MERTK: variants seen among roughly 807,000 people sequenced by gnomAD.
MERTK encodes the protein MER proto-oncogene, tyrosine kinase.
A neutral mutation model predicts 99.3 loss-of-function variants in MERTK; 69 were observed. That is an observed-to-expected ratio of 0.70 (90% CI 0.57 to 0.85). The LOEUF is 0.85. MERTK is among the 40% of genes least tolerant of loss of function. MERTK has a pLI of 0.00. For missense variants in MERTK, 1,125 were observed against 1,249.4 expected (o/e 0.90, Z 1.50); for synonymous variants, 426 against 467.6 (o/e 0.91, Z 1.15).
intron 7 of MERTK, 120 bp from the exon 8 acceptor site, chr2:111,982,722 T>C: frequency 9.6e-7 from 1 of 1,046,808 alleles, no homozygotes; most frequent in East Asian, 2.4e-5. Context: ...CTATAAGTCT[T>C]GGTCTCATTT....
intron 12 of MERTK, 180 bp downstream of exon 12, chr2:112,003,367 C>T: frequency 2.0e-6 from 1 of 496,870 alleles, no homozygotes; most frequent in Non-Finnish European, 3.6e-6. Context: ...AGATCTGGCA[C>T]ATGAAAAGAT....
At chr2:112,007,018 A>G (rs201064617) in intron 13 of MERTK, among the ~76,000 whole-genome samples, 3 of 151,606 alleles carry the variant, frequency 2.0e-5, no homozygotes, top group Middle Eastern at 3.2e-3. Context: ...CAGACTTTTT[A>G]TTTGTTTTTA....
At chr2:111,938,938 C>T (rs926529043) in intron 2 of MERTK, among the ~76,000 whole-genome samples, 57 of 152,116 alleles carry the variant, frequency 3.7e-4, no homozygotes, top group Non-Finnish European at 1.6e-4. Flanking sequence ...GAATGCTACT[C>T]ATAGCTGTGG....
At chr2:111,994,106 C>T in intron 8 of MERTK, 145 bp from the exon 9 acceptor site, 1 of 977,022 alleles carries the variant, frequency 1.0e-6, no homozygotes, top group South Asian at 1.3e-5. Flanking sequence ...TTGGCCATGG[C>T]CTGAGTGACA....
chr2:111,965,388 G>A, intron 5 of MERTK, 111 bp downstream of exon 5: 1 of 1,013,092 alleles, frequency 9.9e-7, no homozygotes, highest in South Asian at 1.3e-5. Flanking sequence ...ACTGTCTCAA[G>A]GTTCTTTGTG....
At chr2:111,948,725 T>C (rs1226974672) in intron 4 of MERTK, among the ~76,000 whole-genome samples, 1 of 152,190 alleles carries the variant, frequency 6.6e-6, no homozygotes, top group African/African-American at 2.4e-5. Flanking sequence ...CCCTGGTCCG[T>C]GTCACTGCCA....
At chr2:112,022,773 A>C (rs1398704496) in intron 18 of MERTK, among the ~76,000 whole-genome samples, 1 of 152,190 alleles carries the variant, frequency 6.6e-6, no homozygotes, top group African/African-American at 2.4e-5. Context: ...CTTTTGGTCC[A>C]GTTATCTTTC....
chr2:111,967,652 T>C (rs1307520652), intron 5 of MERTK, among the ~76,000 whole-genome samples: 1 of 151,970 alleles, frequency 6.6e-6, no homozygotes, highest in Non-Finnish European at 1.5e-5. Flanking sequence ...ACATGCACAC[T>C]CATGCGTGCA....
chr2:112,019,371 T>G (rs746885147), intron 15 of MERTK, 42 bp from the exon 16 acceptor site: 1 of 1,510,908 alleles, frequency 6.6e-7, no homozygotes, highest in Non-Finnish European at 9.2e-7. Flanking sequence ...AAGTTTTCCT[T>G]TTTAAAAGAT....
At chr2:111,944,473 ATTATTTAT>A in intron 2 of MERTK, among the ~76,000 whole-genome samples, 2 of 152,298 alleles carry the variant, frequency 1.3e-5, no homozygotes, top group Admixed American at 6.5e-5. Flanking sequence ...TAACTCCTAA[ATTATTTAT>A]TAATTCCTAA....
intron 1 of MERTK, chr2:111,912,941 G>A (rs77571598): frequency 0.03 from 21,720 of 732,836 alleles, 334 homozygotes; most frequent in Non-Finnish European, 0.033. Context: ...TGGGCAAGTC[G>A]TTTAGCATCT....
chr2:112,017,586 C>T (rs542185239), intron 15 of MERTK, among the ~76,000 whole-genome samples: 42 of 151,768 alleles, frequency 2.8e-4, no homozygotes, highest in East Asian at 1.7e-3. Flanking sequence ...GCTCAGATCG[C>T]GCCACTGCAC....
chr2:112,014,253 C>G (rs4441478), intron 15 of MERTK, among the ~76,000 whole-genome samples: 39,043 of 151,984 alleles, frequency 0.26, 5,549 homozygotes, highest in Middle Eastern at 0.48. Context: ...GATCTCCTGA[C>G]CTTGTGATCT....
chr2:111,920,908 G>A (rs538498623), intron 1 of MERTK, among the ~76,000 whole-genome samples: 178 of 152,110 alleles, frequency 1.2e-3, no homozygotes, highest in Non-Finnish European at 1.9e-3. Flanking sequence ...TGCCCGCCTC[G>A]GCCTCCCAAA....
rs573626683 is a variant in MERTK, at chr2:111,929,012, G to A, written c.62-108G>A. 1.5e-5 allele frequency: 16 copies of A among 1,083,348 alleles called. No individual in the cohort carries two copies. In the East Asian group the frequency reaches 3.4e-4, roughly 23 times the overall value. The allele number at this position is 1,083,348 out of a possible 1,614,324, so 67.1% of individuals were successfully genotyped here. On this transcript the variant is annotated intron_variant, in intron 1 of 18. Transcript: ENST00000295408. ...TGAATTCTGCTTATCTTTTCCTGGGGCACAGAGGACACCCCAGTGCTCTCT... is the reference window on the plus strand; with the variant it reads ...TGAATTCTGCTTATCTTTTCCTGGGACACAGAGGACACCCCAGTGCTCTCT...
intron 7 of MERTK, among the ~76,000 whole-genome samples, chr2:111,981,579 A>G (rs1036305530): frequency 5.3e-5 from 8 of 152,188 alleles, no homozygotes; most frequent in African/African-American, 1.9e-4. Context: ...CAATGAATAT[A>G]ACATCACCTA....
At chr2:111,900,114 C>T (rs991018129) in intron 1 of MERTK, among the ~76,000 whole-genome samples, 1 of 151,634 alleles carries the variant, frequency 6.6e-6, no homozygotes, top group Non-Finnish European at 1.5e-5. Context: ...GACTAGCCTT[C>T]ACCTATTACA....
chr2:111,917,822 T>C (rs1255780196), intron 1 of MERTK, among the ~76,000 whole-genome samples: 1 of 151,336 alleles, frequency 6.6e-6, no homozygotes, highest in African/African-American at 2.4e-5. Flanking sequence ...GAGGTGGAGG[T>C]TGCAGTGAGT....
At chr2:111,999,053 A>T (rs1271078160) in intron 10 of MERTK, among the ~76,000 whole-genome samples, 1 of 152,190 alleles carries the variant, frequency 6.6e-6, no homozygotes, top group Non-Finnish European at 1.5e-5. Flanking sequence ...GGAGAAAGTG[A>T]GGCCCATTTC....
Sources: gnomAD v4.1 joint callset for allele counts (sites outside exome capture counted in the v4.1 genomes callset) on GRCh38, gnomAD v4.1.1 for gene constraint, MANE v1.5 for transcripts, NCBI Gene and HGNC (gene_info 2026-07-23, HGNC 2026-07-21) for gene names.